SLCO1B3: variants seen among roughly 807,000 people sequenced by gnomAD.
The protein encoded by SLCO1B3 is liver-specific organic anion transporter 2.
SLCO1B3 carries 72 observed loss-of-function variants against 71.8 expected under a neutral mutation model. That is an observed-to-expected ratio of 1.00 (90% confidence interval 0.83 to 1.22). SLCO1B3 has a LOEUF of 1.22. Ranked by LOEUF, SLCO1B3 falls within the 50% of genes most tolerant of loss-of-function variation. The pLI is 0.00. For missense variants in SLCO1B3, 911 were observed against 819.7 expected, an observed-to-expected ratio of 1.11 and a Z score of -1.36; for synonymous variants, 298 against 278.4, an observed-to-expected ratio of 1.07 and a Z score of -0.70.
chr12:20,908,057 A>G (rs1866291061), intron 15 of SLCO1B3, among the ~76,000 whole-genome samples: 1 of 152,200 alleles, frequency 6.6e-6, no homozygotes, highest in South Asian at 2.1e-4. Context: ...ATTGTTTTAA[A>G]AACTGTACTA....
At chr12:20,873,504 G>T (rs1327157705) in intron 8 of SLCO1B3, among the ~76,000 whole-genome samples, 2 of 152,182 alleles carry the variant, frequency 1.3e-5, no homozygotes, top group Non-Finnish European at 2.9e-5. Context: ...AGACAGATGA[G>T]ATAGAAGCTA....
chr12:20,881,256 A>C lies in SLCO1B3; in HGVS notation c.1497+236A>C, dbSNP rs550370032. Among the ~76,000 whole-genome samples the C allele has an allele frequency of 9.2e-5, 14 of 152,116 alleles. No individual in the cohort carries two copies. The South Asian group carries it at 2.1e-3, about 23-fold the overall frequency. On this transcript the variant is annotated intron_variant, in intron 12 of 15. Coordinates refer to ENST00000381545, the MANE Select transcript of SLCO1B3 (RefSeq NM_019844.4). ...CTTGAATTCTAATTAGAGATTACCCACTTTTTTTCTTGAGATTTTAAGAAT... is the reference window on the plus strand; with the variant it reads ...CTTGAATTCTAATTAGAGATTACCCCCTTTTTTTCTTGAGATTTTAAGAAT...
intron 8 of SLCO1B3, among the ~76,000 whole-genome samples, chr12:20,866,970 A>G (rs1865385707): frequency 6.6e-6 from 1 of 152,100 alleles, no homozygotes; most frequent in Admixed American, 6.5e-5. Context: ...TTTTTCTGAA[A>G]AGTTATGACA....
intron 1 of SLCO1B3, among the ~76,000 whole-genome samples, chr12:20,811,904 C>CTTTTTT (rs1864115436): frequency 7.4e-5 from 7 of 94,716 alleles, no homozygotes; most frequent in South Asian, 3.8e-4. Flanking sequence ...TTACTTGATA[C>CTTTTTT]ATTTTTTTTT....
chr12:20,911,620 T>A (rs545825005), intron 15 of SLCO1B3, among the ~76,000 whole-genome samples: 1 of 152,344 alleles, frequency 6.6e-6, no homozygotes, highest in African/African-American at 2.4e-5. Flanking sequence ...TTAACAGATA[T>A]AGATCTATTC....
intron 11 of SLCO1B3, 137 bp downstream of exon 11, chr12:20,879,768 T>A: frequency 1.5e-6 from 1 of 652,272 alleles, no homozygotes; most frequent in Non-Finnish European, 2.4e-6. Context: ...TTCAAATTCT[T>A]AAAATGTCCA....
intron 10 of SLCO1B3, among the ~76,000 whole-genome samples, chr12:20,879,205 CTTTT>C (rs4149166): frequency 2.1e-5 from 2 of 95,208 alleles, no homozygotes; most frequent in Non-Finnish European, 3.9e-5. Context: ...ACCCTTCTCT[CTTTT>C]TTTTTTTTTT....
At chr12:20,890,220 C>T (rs2121336918) in intron 13 of SLCO1B3, among the ~76,000 whole-genome samples, 1 of 84,412 alleles carries the variant, frequency 1.2e-5, no homozygotes, top group South Asian at 8.1e-4. Flanking sequence ...CACCCAGCCT[C>T]ATTTCAATTA....
At chr12:20,889,339 CAGG>C (rs756938459) in intron 13 of SLCO1B3, among the ~76,000 whole-genome samples, 5 of 151,814 alleles carry the variant, frequency 3.3e-5, no homozygotes, top group Non-Finnish European at 7.4e-5. Flanking sequence ...TTGTTGTCAT[CAGG>C]AGATTTTTTA....
chr12:20,825,798 C>CAAAAA (rs3060437), intron 3 of SLCO1B3, among the ~76,000 whole-genome samples: 5 of 86,038 alleles, frequency 5.8e-5, no homozygotes, highest in Middle Eastern at 6.1e-3. Context: ...GACTCTGTCT[C>CAAAAA]AAAAAAAAAA....
At chr12:20,815,178 A>G (rs545326977) in intron 2 of SLCO1B3, among the ~76,000 whole-genome samples, 2 of 152,170 alleles carry the variant, frequency 1.3e-5, no homozygotes, top group African/African-American at 4.8e-5. Flanking sequence ...CTTGTTCCAT[A>G]GGCATCTCCT....
At chr12:20,892,249 G>A (rs1262210957) in intron 13 of SLCO1B3, among the ~76,000 whole-genome samples, 1 of 152,054 alleles carries the variant, frequency 6.6e-6, no homozygotes, top group African/African-American at 2.4e-5. Context: ...TGGCTATAAT[G>A]TGTGTTATGT....
At chr12:20,830,284 A>G (rs1864512012) in intron 3 of SLCO1B3, among the ~76,000 whole-genome samples, 1 of 152,180 alleles carries the variant, frequency 6.6e-6, no homozygotes, top group East Asian at 1.9e-4. Context: ...GTCTTAATCA[A>G]TTTAGAAGTT....
intron 2 of SLCO1B3, among the ~76,000 whole-genome samples, chr12:20,814,934 T>C (rs1864164677): frequency 6.7e-6 from 1 of 148,412 alleles, no homozygotes; most frequent in African/African-American, 2.5e-5. Flanking sequence ...GATTTCTGGA[T>C]AAGGGGACAA....
Position 20,875,331 on chromosome 12 carries a change from C to G in SLCO1B3, c.824C>G (p.Pro275Arg). 2.5e-6 allele frequency: 4 copies of G among 1,613,072 alleles called. No homozygotes were observed. The highest frequency in any genetic ancestry group is 3.4e-6 in the Non-Finnish European group (4 of 1,179,486). ...CTATTTTCCATTATTTCTTCCATAC[C>G]ATTTTTTTTCTTGCCGAAAAATCCA... is the stretch of plus-strand genomic sequence containing the variant. ...SGLFSIISSI[P>R]FFFLPKNPNK... Residue 275 changes from proline to arginine, a missense_variant, in exon 9 of 16, where the codon CCA becomes CGA. Pro to Arg is a moderately radical substitution (Grantham distance 103). Coordinates refer to ENST00000381545, the MANE Select transcript of SLCO1B3 (RefSeq NM_019844.4).
At chr12:20,817,774 T>C (rs1053208179) in intron 3 of SLCO1B3, among the ~76,000 whole-genome samples, 4 of 151,686 alleles carry the variant, frequency 2.6e-5, no homozygotes, top group Middle Eastern at 3.2e-3. Flanking sequence ...TTATTTGTAG[T>C]AGAGATGAGG....
intron 4 of SLCO1B3, among the ~76,000 whole-genome samples, chr12:20,856,386 T>C (rs1865136596): frequency 6.6e-6 from 1 of 152,052 alleles, no homozygotes; most frequent in African/African-American, 2.4e-5. Flanking sequence ...ATTCAAAAAA[T>C]ATAAAACTTA....
chr12:20,824,286 GTCCATGCAATTAAC>G (rs1398436530), intron 3 of SLCO1B3, among the ~76,000 whole-genome samples: 2 of 152,060 alleles, frequency 1.3e-5, no homozygotes, highest in Non-Finnish European at 2.9e-5. Context: ...TATTAGTTTG[GTCCATGCAATTAAC>G]TCCATGTTCT....
intron 2 of SLCO1B3, among the ~76,000 whole-genome samples, chr12:20,815,373 C>G (rs934239432): frequency 6.6e-6 from 1 of 152,032 alleles, no homozygotes; most frequent in South Asian, 2.1e-4. Flanking sequence ...ATTTTAATTT[C>G]TATAATTTAA....
Sources: allele counts gnomAD v4.1 joint callset (sites outside exome capture counted in the v4.1 genomes callset), GRCh38; gene constraint gnomAD v4.1.1; transcripts MANE v1.5; gene names NCBI Gene and HGNC (gene_info 2026-07-23, HGNC 2026-07-21).